Variants in NAALADL2 observed in about 807,000 individuals in gnomAD.
NAALADL2 encodes inactive N-acetylated-alpha-linked acidic dipeptidase-like protein 2.
NAALADL2 carries 76 observed loss-of-function variants against 87.2 expected under a neutral mutation model. The ratio of observed to expected loss-of-function variants is 0.87; its 90% CI spans 0.72 to 1.05. NAALADL2 has a LOEUF of 1.05. Among genes scored for constraint, NAALADL2 ranks in the 50% least tolerant of loss-of-function variants. The pLI is 0.00. For synonymous variants in NAALADL2, 354 were observed against 331.0 expected, an observed-to-expected ratio of 1.07 and a Z score of -0.75; for missense variants, 1,089 against 945.8, an observed-to-expected ratio of 1.15 and a Z score of -1.99.
chr3:175,710,102 G>C (rs1428608112), intron 11 of NAALADL2, among the ~76,000 whole-genome samples: 1 of 152,032 alleles, frequency 6.6e-6, no homozygotes, highest in Non-Finnish European at 1.5e-5. Context: ...AGCAGGAAGA[G>C]ATATTAAAGG....
chr3:174,919,016 C>T (rs1236201194), intron 1 of NAALADL2, among the ~76,000 whole-genome samples: 1 of 151,524 alleles, frequency 6.6e-6, no homozygotes, highest in Non-Finnish European at 1.5e-5. Context: ...CTACTACAGC[C>T]TATTAGGGTA....
intron 2 of NAALADL2, among the ~76,000 whole-genome samples, chr3:175,120,110 T>C (rs1725933852): frequency 6.6e-6 from 1 of 151,432 alleles, no homozygotes; most frequent in African/African-American, 2.4e-5. Flanking sequence ...GCTTTAGCAG[T>C]GGATGCAGAA....
intron 10 of NAALADL2, among the ~76,000 whole-genome samples, chr3:175,583,138 A>G (rs955016222): frequency 2.0e-5 from 3 of 152,326 alleles, no homozygotes; most frequent in African/African-American, 7.2e-5. Context: ...ACAGCAGTCA[A>G]TAAATTACAT....
intron 3 of NAALADL2, among the ~76,000 whole-genome samples, chr3:175,240,203 A>G (rs890364013): frequency 6.6e-6 from 1 of 152,246 alleles, no homozygotes. Context: ...GAAATGTTTT[A>G]TTCTTGAATG....
At chr3:175,015,987 G>T (rs1232931835) in intron 1 of NAALADL2, among the ~76,000 whole-genome samples, 10 of 151,550 alleles carry the variant, frequency 6.6e-5, no homozygotes, top group African/African-American at 2.4e-4. Flanking sequence ...GTTTTGGGGG[G>T]AGGAACCTTT....
chr3:175,126,006 G>C (rs1432504815), intron 2 of NAALADL2, among the ~76,000 whole-genome samples: 1 of 152,030 alleles, frequency 6.6e-6, no homozygotes, highest in Non-Finnish European at 1.5e-5. Flanking sequence ...CCAAAATTTG[G>C]AATTCTAAGA....
At chr3:175,686,669 C>A (rs1736341760) in intron 11 of NAALADL2, among the ~76,000 whole-genome samples, 1 of 151,976 alleles carries the variant, frequency 6.6e-6, no homozygotes, top group Admixed American at 6.6e-5. Context: ...ACATTATTAG[C>A]TTTAGATTAT....
intron 10 of NAALADL2, among the ~76,000 whole-genome samples, chr3:175,626,839 G>A (rs1032761358): frequency 3.3e-5 from 5 of 151,698 alleles, no homozygotes; most frequent in Admixed American, 6.6e-5. Flanking sequence ...CTAAGTCTAC[G>A]TGTGTTTCAC....
chr3:175,597,048 C>T (rs1446205543), intron 10 of NAALADL2, among the ~76,000 whole-genome samples: 3 of 151,914 alleles, frequency 2.0e-5, no homozygotes, highest in Non-Finnish European at 4.4e-5. Context: ...AGATTGTATC[C>T]TCTTTAGAGA....
chr3:175,416,721 G>T (rs376351459), intron 5 of NAALADL2, among the ~76,000 whole-genome samples: 1 of 151,994 alleles, frequency 6.6e-6, no homozygotes, highest in Non-Finnish European at 1.5e-5. Flanking sequence ...AGCCCTTAAG[G>T]CTCTTTTCTA....
At chr3:174,963,986 A>G (rs1365897961) in intron 1 of NAALADL2, among the ~76,000 whole-genome samples, 2 of 152,028 alleles carry the variant, frequency 1.3e-5, no homozygotes, top group South Asian at 2.1e-4. Context: ...GGAATGTACC[A>G]TAATAATTTA....
intron 1 of NAALADL2, among the ~76,000 whole-genome samples, chr3:174,495,304 G>A (rs1259584366): frequency 6.6e-6 from 1 of 151,074 alleles, no homozygotes; most frequent in Non-Finnish European, 1.5e-5. Flanking sequence ...ATTCATAAGG[G>A]AGGCAATTCT....
At chr3:174,699,962 A>T (rs1445143360) in intron 2 of NAALADL2, among the ~76,000 whole-genome samples, 1 of 150,912 alleles carries the variant, frequency 6.6e-6, no homozygotes, top group East Asian at 1.9e-4. Context: ...GTCAGATTTA[A>T]TTTTTTCTCT....
At chr3:174,500,646 A>C (rs183216332) in intron 1 of NAALADL2, among the ~76,000 whole-genome samples, 3 of 152,102 alleles carry the variant, frequency 2.0e-5, no homozygotes, top group Non-Finnish European at 2.9e-5. Flanking sequence ...CTATCCTTCT[A>C]TTCCTAGTAG....
At chr3:174,664,889 C>A (rs917363008) in intron 2 of NAALADL2, among the ~76,000 whole-genome samples, 1 of 152,196 alleles carries the variant, frequency 6.6e-6, no homozygotes, top group Admixed American at 6.5e-5. Context: ...CTGGAACCAA[C>A]AAAGTCCCCT....
chr3:175,134,211 A>G (rs1000275561), intron 2 of NAALADL2, among the ~76,000 whole-genome samples: 5 of 152,182 alleles, frequency 3.3e-5, no homozygotes, highest in East Asian at 1.9e-4. Context: ...GTGCCATGTG[A>G]GATATCAGTA....
At chr3:175,476,723 C>T (rs991246361) in intron 9 of NAALADL2, among the ~76,000 whole-genome samples, 7 of 152,090 alleles carry the variant, frequency 4.6e-5, no homozygotes, top group African/African-American at 9.7e-5. Context: ...TGCTGAGGTA[C>T]TTACACAGTT....
chr3:174,920,515 A>G (rs912866907), intron 1 of NAALADL2, among the ~76,000 whole-genome samples: 1 of 152,182 alleles, frequency 6.6e-6, no homozygotes, highest in African/African-American at 2.4e-5. Context: ...AGAACCGAAG[A>G]GTTTTGAGAT....
In NAALADL2 at chr3:175,310,869, T is replaced by C. The variant is rs556929267; in HGVS notation, c.940-13306T>C. ...TTTAATATCAAACATATAGTACTAATATTATTTTCTGTTCCTTTTGAATAT... is the reference window on the plus strand; with the variant it reads ...TTTAATATCAAACATATAGTACTAACATTATTTTCTGTTCCTTTTGAATAT... On this transcript the variant is annotated intron_variant, in intron 4 of 13. Coordinates refer to ENST00000454872, the MANE Select transcript of NAALADL2 (RefSeq NM_207015.3). Among the ~76,000 whole-genome samples the C allele has an allele frequency of 4.1e-4, 62 of 152,172 alleles. 1 individual carries two copies. The highest frequency in any genetic ancestry group is 1.4e-3 in the African/African-American group (59 of 41,540).
Sources: gnomAD v4.1 joint callset for allele counts (sites outside exome capture counted in the v4.1 genomes callset) on GRCh38, gnomAD v4.1.1 for gene constraint, MANE v1.5 for transcripts, NCBI Gene and HGNC (gene_info 2026-07-23, HGNC 2026-07-21) for gene names.